Variants in ZNF516 observed in about 807,000 individuals in gnomAD.
ZNF516 encodes zinc finger protein 516.
A neutral mutation model predicts 79.7 loss-of-function variants in ZNF516; 19 were observed. The observed-to-expected ratio is 0.24, with a 90% CI of 0.17 to 0.35. ZNF516 has a LOEUF of 0.35. Ranked by LOEUF, ZNF516 falls within the 10% of genes least tolerant of loss-of-function variation. ZNF516 has a pLI of 1.00. For synonymous variants in ZNF516, 877 were observed against 739.5 expected (o/e 1.19, Z -3.02); for missense variants, 1,678 against 1,679.5 (o/e 1.00, Z 0.02).
Position 76,485,916 on chromosome 18 carries a change from A to AAAAAATAATAATAAT in ZNF516, c.-272+9227_-272+9228insATTATTATTATTTTT, listed in dbSNP as rs1555721331. Among the ~76,000 whole-genome samples the AAAAAATAATAATAAT allele has an allele frequency of 3.4e-5, 5 of 148,486 alleles. No homozygotes were observed. In the South Asian group the frequency reaches 1.1e-3, roughly 31 times the overall value. Reference sequence around the variant, plus strand: ...GACAAAAGCTGAGTCTTTTTGACAAAAATAATAATAATAATAAACATACTT... The same window carrying AAAAAATAATAATAAT: ...GACAAAAGCTGAGTCTTTTTGACAAAAAAAATAATAATAATAATAATAATAATAATAAACATACTT... On this transcript the variant is annotated intron_variant, in intron 1 of 6. Transcript: ENST00000443185.
intron 3 of ZNF516, among the ~76,000 whole-genome samples, chr18:76,409,381 T>A (rs564805863): frequency 6.6e-6 from 1 of 152,228 alleles, no homozygotes; most frequent in African/African-American, 2.4e-5. Context: ...TTTCTTAACC[T>A]GACCTCCAAG....
Position 76,430,811 on chromosome 18 carries a change from A to T in ZNF516, c.1810+10434T>A, listed in dbSNP as rs2075651609. On this transcript the variant is annotated intron_variant, in intron 3 of 6. Coordinates refer to ENST00000443185, the MANE Select transcript of ZNF516 (RefSeq NM_014643.4). ...CTCAGATTTGGCACATCTATACAGGAACATATTTGGCAGCTAACAGTTCGC... is the reference window on the plus strand; with the variant it reads ...CTCAGATTTGGCACATCTATACAGGTACATATTTGGCAGCTAACAGTTCGC... 2.6e-5 allele frequency among the ~76,000 whole-genome samples: 4 copies of T among 152,364 alleles called. No individual in the cohort carries two copies. The South Asian group carries it at 8.3e-4, about 32-fold the overall frequency.
upstream of ZNF516, chr18:76,496,345 A>T (rs1235625123): frequency 7.8e-7 from 1 of 1,289,336 alleles, no homozygotes; most frequent in African/African-American, 1.5e-5. Context: ...TCCGTCCAAG[A>T]CGCCCAACGT....
intron 1 of ZNF516, among the ~76,000 whole-genome samples, chr18:76,478,647 A>G (rs1037217961): frequency 6.6e-6 from 1 of 152,254 alleles, no homozygotes; most frequent in Non-Finnish European, 1.5e-5. Context: ...AAAAGCAGAA[A>G]AACTTTTTCT....
chr18:76,419,867 A>G (rs866085932), intron 3 of ZNF516, among the ~76,000 whole-genome samples: 1 of 152,260 alleles, frequency 6.6e-6, no homozygotes, highest in Non-Finnish European at 1.5e-5. Context: ...GAGAACATAT[A>G]CAATAAAAAT....
rs566938923 is a variant in ZNF516, at chr18:76,479,319, C to T, written c.-272+15825G>A. On this transcript the variant is annotated intron_variant, in intron 1 of 6. Coordinates refer to ENST00000443185, the MANE Select transcript of ZNF516 (RefSeq NM_014643.4). ...ACACGGGCCACATTCTCTCAGCAAA[C>T]CACAACAGAAATTGTTCGGGAAAAG... Among the ~76,000 whole-genome samples, 4 of 152,330 alleles carry T rather than the reference C, an allele frequency of 2.6e-5. No homozygotes were observed. In the East Asian group the frequency reaches 7.7e-4, roughly 29 times the overall value.
At chr18:76,435,033 C>G (rs77171298) in intron 3 of ZNF516, among the ~76,000 whole-genome samples, 2,673 of 152,326 alleles carry the variant, frequency 0.018, 76 homozygotes, top group African/African-American at 0.059. Context: ...AAAAGCCAAC[C>G]CTGCCCTGTG....
At chr18:76,417,504 A>G (rs930633383) in intron 3 of ZNF516, among the ~76,000 whole-genome samples, 2 of 152,262 alleles carry the variant, frequency 1.3e-5, no homozygotes, top group African/African-American at 4.8e-5. Context: ...ACATATTTAA[A>G]TAGGTATATA....
rs776615382 is a variant in ZNF516 at position 76,357,864 on chromosome 18, G to T, written c.*4634C>A. On this transcript the variant is annotated 3_prime_UTR_variant, in exon 7 of 7. Transcript: ENST00000443185. ...GTCCATCCCTGTGCGTCCTGTATGG[G>T]TGACAGTGCAAGGGTAAGAACAGTG... 6.6e-6 allele frequency among the ~76,000 whole-genome samples: 1 copy of T among 152,112 alleles called. No individual in the cohort carries two copies. The highest frequency in any genetic ancestry group is 2.1e-4 in the South Asian group (1 of 4,822).
chr18:76,358,086 T>G lies in ZNF516; in HGVS notation c.*4412A>C, dbSNP rs2074481443. 6.6e-6 allele frequency: 1 copy of G among 152,188 alleles called. No homozygotes were observed. Among genetic ancestry groups the G allele is most frequent in the Non-Finnish European group, 1.5e-5 (1 of 68,042 alleles). 9.4% of individuals were successfully genotyped at this position (152,188 alleles called of 1,614,324 possible). A position where few individuals can be genotyped will look rare whatever the true frequency, so the allele number is the denominator to read the frequency against. On this transcript the variant is annotated 3_prime_UTR_variant, in exon 7 of 7. Transcript: ENST00000443185. ...TTCCATAAATAAAGAGCATTAACAC[T>G]TTGGTTTATGTTCAGCCAACAAAAA...
intron 1 of ZNF516, among the ~76,000 whole-genome samples, chr18:76,469,498 T>C (rs1046152755): frequency 2.8e-4 from 43 of 152,288 alleles, no homozygotes; most frequent in African/African-American, 1.0e-3. Flanking sequence ...ACTACTGCAT[T>C]CAAGATAAAA....
intron 3 of ZNF516, among the ~76,000 whole-genome samples, chr18:76,383,312 G>A (rs925956217): frequency 5.3e-5 from 8 of 152,110 alleles, no homozygotes; most frequent in Non-Finnish European, 1.2e-4. Flanking sequence ...AACTGGAGAG[G>A]CGCAGGATCC....
chr18:76,496,376 G>A (rs899971063), upstream of ZNF516: 23 of 1,289,556 alleles, frequency 1.8e-5, no homozygotes, highest in African/African-American at 2.9e-4. Context: ...AGCAATCAGC[G>A]CTGCAATCCT....
intron 1 of ZNF516, among the ~76,000 whole-genome samples, chr18:76,482,410 C>CAG (rs1388304899): frequency 2.6e-5 from 4 of 152,220 alleles, no homozygotes; most frequent in Admixed American, 2.6e-4. Context: ...AAGCCACAGG[C>CAG]AGTCAGCAGA....
chr18:76,482,376 C>A (rs1175510279), intron 1 of ZNF516, among the ~76,000 whole-genome samples: 3 of 152,292 alleles, frequency 2.0e-5, no homozygotes, highest in African/African-American at 4.8e-5. Flanking sequence ...TTGACTTACA[C>A]TTTTTCAACT....
At chr18:76,430,708 G>A (rs1359522038) in intron 3 of ZNF516, among the ~76,000 whole-genome samples, 1 of 152,192 alleles carries the variant, frequency 6.6e-6, no homozygotes. Flanking sequence ...AACAGTAATT[G>A]TATTAAATTT....
intron 3 of ZNF516, among the ~76,000 whole-genome samples, chr18:76,435,674 C>T (rs548950516): frequency 6.6e-6 from 1 of 152,342 alleles, no homozygotes; most frequent in Admixed American, 6.5e-5. Flanking sequence ...TTTTCCAACT[C>T]ATACTTTACT....
intron 6 of ZNF516, among the ~76,000 whole-genome samples, chr18:76,362,861 AGAT>A (rs1341666976): frequency 6.6e-6 from 1 of 152,218 alleles, no homozygotes; most frequent in African/African-American, 2.4e-5. Flanking sequence ...TAAGAATGGC[AGAT>A]GATAGTGTCT....
rs1915326753 is a variant in ZNF516, at chr18:76,493,005, A to C, written c.-272+2139T>G. ...GCGCGCGCTCACACACACACCCCAA[A>C]TTACCTCCGGGATGGAGAAAGCCGC... On this transcript the variant is annotated intron_variant, in intron 1 of 6. Coordinates refer to ENST00000443185, the MANE Select transcript of ZNF516 (RefSeq NM_014643.4). This position sits in a 1 kb window ranked among gnomAD's most constrained non-coding sequence, Gnocchi z 5.2. 4.1e-6 allele frequency: 4 copies of C among 985,198 alleles called. No homozygotes were observed. Among genetic ancestry groups the C allele is most frequent in the Non-Finnish European group, 4.8e-6 (4 of 830,006 alleles). 61.0% of individuals were successfully genotyped at this position (985,198 alleles called of 1,614,324 possible).
Sources: allele counts gnomAD v4.1 joint callset (sites outside exome capture counted in the v4.1 genomes callset), GRCh38; gene constraint gnomAD v4.1.1; non-coding constraint Gnocchi (gnomAD v3.1); transcripts MANE v1.5; gene names NCBI Gene and HGNC (gene_info 2026-07-23, HGNC 2026-07-21).